The following SLC17A8 variants were observed in gnomAD, a reference collection of about 807,000 sequenced individuals.
SLC17A8 encodes the protein vesicular glutamate transporter 3.
A neutral mutation model predicts 58.0 loss-of-function variants in SLC17A8; 31 were observed. The observed-to-expected ratio is 0.53, with a 90% confidence interval of 0.40 to 0.72. The LOEUF (loss-of-function observed/expected upper bound fraction) is 0.72. SLC17A8 is among the 30% of genes least tolerant of loss of function. SLC17A8 has a pLI of 0.00. For missense variants in SLC17A8, 655 were observed against 727.8 expected (o/e 0.90, Z 1.15); for synonymous variants, 228 against 249.0 (o/e 0.92, Z 0.79).
chr12:100,409,411 C>T (rs930633310), intron 9 of SLC17A8, among the ~76,000 whole-genome samples: 31 of 152,236 alleles, frequency 2.0e-4, no homozygotes, highest in African/African-American at 7.5e-4. Flanking sequence ...GTCTTGAACT[C>T]CTGACGTCAG....
chr12:100,383,313 G>A (rs1952650053), intron 2 of SLC17A8, among the ~76,000 whole-genome samples: 1 of 152,180 alleles, frequency 6.6e-6, no homozygotes, highest in South Asian at 2.1e-4. Context: ...TGTGCCCTCT[G>A]GAGTCTTAGA....
Position 100,357,263 on chromosome 12 carries a change from G to A in SLC17A8, c.-129G>A. On this transcript the variant is annotated 5_prime_UTR_variant, in exon 1 of 12. Transcript: ENST00000323346. ...TTCATCTCCTTTTTGATTTTGAGTA[G>A]TTCCCTCCACGAGAACTGACTTCCA... The A allele has an allele frequency of 1.3e-6, 1 of 746,268 alleles. No individual in the cohort carries two copies. Among genetic ancestry groups the A allele is most frequent in the Non-Finnish European group, 2.5e-6 (1 of 404,780 alleles). The allele number at this position is 746,268 out of a possible 1,614,324, so 46.2% of individuals were successfully genotyped here. A position where few individuals can be genotyped will look rare whatever the true frequency, so the allele number is the denominator to read the frequency against.
chr12:100,359,736 TTTGGC>T (rs1336815126), intron 1 of SLC17A8, among the ~76,000 whole-genome samples: 1 of 152,184 alleles, frequency 6.6e-6, no homozygotes, highest in Non-Finnish European at 1.5e-5. Flanking sequence ...CTGCCACGTG[TTTGGC>T]ATTAATCACA....
At chr12:100,384,332 G>T (rs1007946820) in intron 2 of SLC17A8, among the ~76,000 whole-genome samples, 1 of 152,154 alleles carries the variant, frequency 6.6e-6, no homozygotes, top group Non-Finnish European at 1.5e-5. Context: ...CGGCATGGTG[G>T]CTCATGCCTG....
chr12:100,394,645 C>T (rs776176126), intron 4 of SLC17A8, among the ~76,000 whole-genome samples: 21 of 150,304 alleles, frequency 1.4e-4, no homozygotes, highest in South Asian at 2.1e-4. Flanking sequence ...TCAGGTGATC[C>T]GCCCACCTCA....
chr12:100,409,883 G>C (rs1952853995), intron 9 of SLC17A8, among the ~76,000 whole-genome samples: 1 of 152,192 alleles, frequency 6.6e-6, no homozygotes, highest in Non-Finnish European at 1.5e-5. Context: ...TAAGCAAAGA[G>C]ATGAGGGCTG....
chr12:100,378,256 C>T (rs961544740), intron 1 of SLC17A8, among the ~76,000 whole-genome samples: 2 of 152,022 alleles, frequency 1.3e-5, no homozygotes, highest in Non-Finnish European at 2.9e-5. Flanking sequence ...CCTGGAAAAA[C>T]ATAAAATGGC....
intron 1 of SLC17A8, among the ~76,000 whole-genome samples, chr12:100,368,337 C>T (rs1952534439): frequency 6.6e-6 from 1 of 152,192 alleles, no homozygotes; most frequent in East Asian, 1.9e-4. Flanking sequence ...ACATGGTCTT[C>T]TCCCCTGGTG....
chr12:100,405,189 G>A (rs1277613743), intron 9 of SLC17A8, among the ~76,000 whole-genome samples: 2 of 152,314 alleles, frequency 1.3e-5, no homozygotes, highest in East Asian at 1.9e-4. Context: ...GTCCCAGGCA[G>A]GGATGTGTGG....
intron 5 of SLC17A8, among the ~76,000 whole-genome samples, chr12:100,396,759 A>C (rs567291047): frequency 6.6e-6 from 1 of 152,160 alleles, no homozygotes; most frequent in South Asian, 2.1e-4. Flanking sequence ...AAAAAGAAAA[A>C]AGAAAAAAGA....
At chr12:100,414,207 C>T (rs1425994369) in intron 10 of SLC17A8, among the ~76,000 whole-genome samples, 1 of 152,174 alleles carries the variant, frequency 6.6e-6, no homozygotes, top group African/African-American at 2.4e-5. Flanking sequence ...AAAGGCCGTG[C>T]TCCTTCCATT....
chr12:100,376,382 G>A (rs141484278), intron 1 of SLC17A8, among the ~76,000 whole-genome samples: 27 of 152,246 alleles, frequency 1.8e-4, no homozygotes, highest in South Asian at 1.2e-3. Flanking sequence ...TGATGGCTGC[G>A]CAAGGACTAC....
At chr12:100,367,020 C>T (rs901621444) in intron 1 of SLC17A8, among the ~76,000 whole-genome samples, 2 of 152,184 alleles carry the variant, frequency 1.3e-5, no homozygotes, top group South Asian at 2.1e-4. Context: ...TCAGTGGTGC[C>T]TGTGGCCCCA....
In SLC17A8 at chr12:100,402,605, A is replaced by T; in HGVS notation, c.913A>T (p.Thr305Ser). ...ANVVSLSKFS[T>S]PWKRFFTSLP... is the part of the protein sequence containing the mutation. Reference sequence around the variant, plus strand: ...TATTTTTACTCCCTAGAAATTTAGTACCCCATGGAAAAGATTTTTCACATC... The same window carrying T: ...TATTTTTACTCCCTAGAAATTTAGTTCCCCATGGAAAAGATTTTTCACATC... Residue 305 changes from threonine to serine, a missense_variant, in exon 8 of 12, where the codon ACC (threonine) becomes TCC (serine). Coordinates refer to ENST00000323346, the MANE Select transcript of SLC17A8 (RefSeq NM_139319.3). 6.2e-7 allele frequency: 1 copy of T among 1,613,902 alleles called. No homozygotes were observed. Among genetic ancestry groups the T allele is most frequent in the South Asian group, 1.1e-5 (1 of 90,996 alleles).
chr12:100,385,233 A>ATTT (rs397850732), intron 2 of SLC17A8, among the ~76,000 whole-genome samples: 3,622 of 106,602 alleles, frequency 0.034, 182 homozygotes, highest in Non-Finnish European at 0.039. Context: ...TGTCTTAAAC[A>ATTT]TTTTTTTTTT....
chr12:100,369,220 G>T (rs185808813), intron 1 of SLC17A8, among the ~76,000 whole-genome samples: 12 of 152,288 alleles, frequency 7.9e-5, no homozygotes, highest in Non-Finnish European at 1.5e-4. Context: ...ACGTTGCAGT[G>T]AGCCGAAATC....
At chr12:100,414,493 A>C (rs920118479) in intron 10 of SLC17A8, among the ~76,000 whole-genome samples, 2 of 152,210 alleles carry the variant, frequency 1.3e-5, no homozygotes, top group Non-Finnish European at 2.9e-5. Context: ...CTCAAGCTTC[A>C]GTTTTCTCAT....
intron 9 of SLC17A8, among the ~76,000 whole-genome samples, chr12:100,409,757 G>C (rs1952853303): frequency 6.6e-6 from 1 of 152,108 alleles, no homozygotes. Flanking sequence ...AGTATCCCAG[G>C]TAAAGAAACA....
chr12:100,417,566 G>A (rs79260337), intron 10 of SLC17A8, among the ~76,000 whole-genome samples: 3,312 of 152,316 alleles, frequency 0.022, 124 homozygotes, highest in African/African-American at 0.075. Context: ...TTTTCATTGT[G>A]TGAAAATGTG....
Sources: allele counts gnomAD v4.1 joint callset (sites outside exome capture counted in the v4.1 genomes callset), GRCh38; gene constraint gnomAD v4.1.1; transcripts MANE v1.5; gene names NCBI Gene and HGNC (gene_info 2026-07-23, HGNC 2026-07-21).